Variants in RIMS2 observed in about 807,000 individuals in gnomAD.
The protein encoded by RIMS2 is regulating synaptic membrane exocytosis 2, also known as regulating synaptic membrane exocytosis protein 2.
Under a neutral mutation model 174.4 loss-of-function variants are expected in RIMS2, and 59 were observed. The observed-to-expected ratio is 0.34, with a 90% CI of 0.27 to 0.42. The LOEUF (loss-of-function observed/expected upper bound fraction) is 0.42. Ranked by LOEUF, RIMS2 falls within the 10% of genes least tolerant of loss-of-function variation. RIMS2 has a pLI of 1.00. For missense variants in RIMS2, 1,620 were observed against 1,666.3 expected, an observed-to-expected ratio of 0.97 and a Z score of 0.48; for synonymous variants, 606 against 572.5, an observed-to-expected ratio of 1.06 and a Z score of -0.84.
chr8:103,543,951 C>T (rs1218182375), intron 1 of RIMS2, among the ~76,000 whole-genome samples: 1 of 151,998 alleles, frequency 6.6e-6, no homozygotes, highest in Non-Finnish European at 1.5e-5. Context: ...AGATATGATC[C>T]CAACAGCAAA....
At chr8:103,696,835 C>A (rs2097107144) in intron 1 of RIMS2, among the ~76,000 whole-genome samples, 1 of 129,018 alleles carries the variant, frequency 7.8e-6, no homozygotes, top group East Asian at 2.1e-4. Flanking sequence ...TGCACTTTAG[C>A]CTGGGTAACA....
At chr8:103,743,866 G>T (rs970624857) in intron 2 of RIMS2, among the ~76,000 whole-genome samples, 2 of 151,986 alleles carry the variant, frequency 1.3e-5, no homozygotes, top group Non-Finnish European at 2.9e-5. Flanking sequence ...GACATAAATG[G>T]GGTTGAACTT....
chr8:103,986,315 A>C (rs2094358043), intron 16 of RIMS2, among the ~76,000 whole-genome samples: 1 of 152,160 alleles, frequency 6.6e-6, no homozygotes, highest in African/African-American at 2.4e-5. Flanking sequence ...TGAAGGATGG[A>C]ATTAATAAAG....
intron 1 of RIMS2, among the ~76,000 whole-genome samples, chr8:103,514,215 G>A (rs28567610): frequency 0.18 from 27,688 of 152,106 alleles, 2,767 homozygotes; most frequent in African/African-American, 0.26. Context: ...GCTGACAAAG[G>A]CTAGAAAAAG....
At chr8:104,065,648 C>T (rs2097093141) in intron 19 of RIMS2, among the ~76,000 whole-genome samples, 4 of 152,024 alleles carry the variant, frequency 2.6e-5, no homozygotes, top group African/African-American at 9.7e-5. Flanking sequence ...TGTTTGGTTA[C>T]TGTTTGTCCC....
chr8:103,541,019 A>C (rs1469740677), intron 1 of RIMS2, among the ~76,000 whole-genome samples: 17 of 152,204 alleles, frequency 1.1e-4, no homozygotes, highest in Admixed American at 1.1e-3. Flanking sequence ...GATTTATGGG[A>C]CATCAAAAAG....
chr8:103,536,212 C>G (rs16870503), intron 1 of RIMS2, among the ~76,000 whole-genome samples: 18,887 of 152,164 alleles, frequency 0.12, 1,270 homozygotes, highest in Middle Eastern at 0.22. Context: ...GAAAGATGCT[C>G]TCTTGACTTT....
intron 19 of RIMS2, among the ~76,000 whole-genome samples, chr8:104,197,725 T>C (rs975992588): frequency 1.7e-4 from 26 of 152,212 alleles, no homozygotes; most frequent in Non-Finnish European, 3.8e-4. Context: ...GAGGATCTTC[T>C]GGGGTTGGTG....
intron 19 of RIMS2, among the ~76,000 whole-genome samples, chr8:104,135,636 GAA>G (rs2098513262): frequency 9.6e-6 from 1 of 104,610 alleles, no homozygotes; most frequent in African/African-American, 3.8e-5. Context: ...AAAAAAAAAA[GAA>G]TGCTGAAATG....
chr8:103,562,606 G>A (rs2091765691), intron 1 of RIMS2, among the ~76,000 whole-genome samples: 1 of 152,132 alleles, frequency 6.6e-6, no homozygotes, highest in Non-Finnish European at 1.5e-5. Context: ...GCTTTTCCAG[G>A]TGCATGGTGC....
chr8:104,245,003 A>G (rs764750786), exon 20 of RIMS2: 2 of 1,613,936 alleles, frequency 1.2e-6, no homozygotes, highest in East Asian at 4.5e-5. Context: ...ATGACTCGAC[A>G]GGCAAGCCGA....
At chr8:104,199,580 T>C (rs923836041) in intron 19 of RIMS2, among the ~76,000 whole-genome samples, 2 of 152,136 alleles carry the variant, frequency 1.3e-5, no homozygotes, top group African/African-American at 4.8e-5. Flanking sequence ...CAGCAGGTAG[T>C]GTGTGATAAA....
chr8:103,793,269 G>A (rs1210812555), intron 3 of RIMS2, among the ~76,000 whole-genome samples: 1 of 152,168 alleles, frequency 6.6e-6, no homozygotes, highest in Non-Finnish European at 1.5e-5. Flanking sequence ...ATGGAAGGCT[G>A]GTTCAACATA....
At chr8:103,655,092 A>T (rs1271709235) in intron 1 of RIMS2, among the ~76,000 whole-genome samples, 1 of 151,892 alleles carries the variant, frequency 6.6e-6, no homozygotes, top group Non-Finnish European at 1.5e-5. Flanking sequence ...TTGGCAATTG[A>T]TGTGAAATTA....
intron 1 of RIMS2, among the ~76,000 whole-genome samples, chr8:103,549,373 C>T (rs933850143): frequency 2.0e-5 from 3 of 152,062 alleles, no homozygotes; most frequent in African/African-American, 7.2e-5. Context: ...CCAAACTAAG[C>T]TTCATAAGTG....
chr8:103,885,828 A>T, exon 4 of RIMS2: 1 of 1,612,976 alleles, frequency 6.2e-7, no homozygotes, highest in Non-Finnish European at 8.5e-7. Context: ...CAGCGATCTT[A>T]TTCAATGGAA....
At chr8:103,790,145 T>C (rs1447724054) in intron 3 of RIMS2, among the ~76,000 whole-genome samples, 1 of 152,238 alleles carries the variant, frequency 6.6e-6, no homozygotes, top group African/African-American at 2.4e-5. Flanking sequence ...CTTACAAATG[T>C]ACACCTAAGT....
intron 3 of RIMS2, among the ~76,000 whole-genome samples, chr8:103,857,044 A>G (rs1410499494): frequency 1.3e-5 from 2 of 152,158 alleles, no homozygotes; most frequent in Non-Finnish European, 2.9e-5. Context: ...CAATATCATT[A>G]CATTGAACTT....
intron 1 of RIMS2, chr8:103,568,718 G>T: frequency 1.2e-6 from 1 of 826,154 alleles, no homozygotes; most frequent in South Asian, 1.3e-5. Context: ...GCTTACATAA[G>T]GGAGTAGCCT....
Sources: allele counts gnomAD v4.1 joint callset (sites outside exome capture counted in the v4.1 genomes callset), GRCh38; gene constraint gnomAD v4.1.1; transcripts MANE v1.5; gene names NCBI Gene and HGNC (gene_info 2026-07-23, HGNC 2026-07-21).